MAML3: variants seen among roughly 807,000 people sequenced by gnomAD.
The protein encoded by MAML3 is mastermind-like protein 3.
Under a neutral mutation model 101.9 loss-of-function variants are expected in MAML3, and 27 were observed. The ratio of observed to expected loss-of-function variants is 0.27; its 90% CI spans 0.20 to 0.37. MAML3 has a LOEUF of 0.37. MAML3 is among the 10% of genes least tolerant of loss of function. MAML3 has a pLI of 1.00. For missense variants in MAML3, 1,316 were observed against 1,444.9 expected (o/e 0.91, Z 1.45); for synonymous variants, 501 against 555.9 (o/e 0.90, Z 1.39).
At chr4:139,770,611 GCT>G (rs952179321) in intron 2 of MAML3, among the ~76,000 whole-genome samples, 3 of 152,128 alleles carry the variant, frequency 2.0e-5, no homozygotes, top group African/African-American at 7.2e-5. Flanking sequence ...TTGGAAAGTT[GCT>G]CTTTGTTCCT....
At chr4:139,774,892 T>C (rs1014946078) in intron 2 of MAML3, among the ~76,000 whole-genome samples, 1 of 152,144 alleles carries the variant, frequency 6.6e-6, no homozygotes, top group African/African-American at 2.4e-5. Flanking sequence ...GAGAAATAAA[T>C]GTGTATGTAA....
intron 1 of MAML3, among the ~76,000 whole-genome samples, chr4:139,918,800 G>A (rs1276724291): frequency 6.6e-6 from 1 of 152,072 alleles, no homozygotes; most frequent in Admixed American, 6.6e-5. Flanking sequence ...TAGTAGGTGG[G>A]CTCTGGAGCT....
At chr4:139,827,352 T>C (rs1731078954) in intron 2 of MAML3, among the ~76,000 whole-genome samples, 1 of 152,174 alleles carries the variant, frequency 6.6e-6, no homozygotes, top group African/African-American at 2.4e-5. Context: ...GACTGACTGC[T>C]GAGGGTTTCT....
intron 1 of MAML3, among the ~76,000 whole-genome samples, chr4:140,109,235 T>C (rs996772205): frequency 6.6e-6 from 1 of 152,190 alleles, no homozygotes; most frequent in Non-Finnish European, 1.5e-5. Flanking sequence ...CAGTTGAAGG[T>C]ATCCTCCTAC....
intron 3 of MAML3, among the ~76,000 whole-genome samples, chr4:139,729,221 T>G (rs1728602676): frequency 6.6e-6 from 1 of 151,584 alleles, no homozygotes; most frequent in Non-Finnish European, 1.5e-5. Flanking sequence ...AATTTTTCTC[T>G]TTGGGGGATG....
At position 139,798,964 on chromosome 4, in the gene MAML3, A is replaced by G. The variant is rs534163645; in HGVS notation, c.2080-68297T>C. ...TCTTATCTAATAAGTTTATTTATTT[A>G]CCTGGGCAGATTAAATGCAGCTGAA... On this transcript the variant is annotated intron_variant, in intron 2 of 4. Transcript: ENST00000509479. Among the ~76,000 whole-genome samples the G allele has an allele frequency of 1.2e-3, 183 of 152,250 alleles. 4 individuals are homozygous for G. The South Asian group carries it at 0.037, about 31-fold the overall frequency.
chr4:139,737,368 G>T (rs1728987456), intron 2 of MAML3, among the ~76,000 whole-genome samples: 1 of 82,856 alleles, frequency 1.2e-5, no homozygotes, highest in Non-Finnish European at 2.9e-5. Flanking sequence ...GTCTGGTGGT[G>T]GCGTCTCTGG....
chr4:139,729,418 G>T (rs772624556), intron 3 of MAML3, among the ~76,000 whole-genome samples: 1 of 152,092 alleles, frequency 6.6e-6, no homozygotes, highest in Non-Finnish European at 1.5e-5. Flanking sequence ...CCAGAAGTTC[G>T]AGACCAGCCT....
At chr4:139,829,928 GT>G (rs1471800066) in intron 2 of MAML3, among the ~76,000 whole-genome samples, 3 of 152,202 alleles carry the variant, frequency 2.0e-5, no homozygotes, top group Non-Finnish European at 2.9e-5. Flanking sequence ...GTGACAATGG[GT>G]CAGATGGTCA....
At chr4:139,862,190 C>T (rs995409047) in intron 2 of MAML3, among the ~76,000 whole-genome samples, 1 of 152,096 alleles carries the variant, frequency 6.6e-6, no homozygotes, top group Non-Finnish European at 1.5e-5. Flanking sequence ...GCCTGGGCAA[C>T]AAAAGCAAAA....
chr4:140,134,802 T>C (rs1728857780), intron 1 of MAML3, among the ~76,000 whole-genome samples: 1 of 151,882 alleles, frequency 6.6e-6, no homozygotes, highest in Non-Finnish European at 1.5e-5. Context: ...TCGATCAGAG[T>C]GTGAATATCA....
At chr4:139,940,071 C>T (rs1733574333) in intron 1 of MAML3, among the ~76,000 whole-genome samples, 1 of 152,058 alleles carries the variant, frequency 6.6e-6, no homozygotes, top group South Asian at 2.1e-4. Context: ...GCCCAATAGA[C>T]ACTTGTTGAA....
intron 2 of MAML3, among the ~76,000 whole-genome samples, chr4:139,761,986 C>G (rs535752569): frequency 9.2e-5 from 14 of 152,042 alleles, no homozygotes; most frequent in Admixed American, 5.2e-4. Flanking sequence ...GGGCATGAGA[C>G]AGGAAGAAGT....
chr4:139,933,362 G>C (rs755808426), intron 1 of MAML3, among the ~76,000 whole-genome samples: 5 of 152,258 alleles, frequency 3.3e-5, no homozygotes, highest in Non-Finnish European at 7.4e-5. Flanking sequence ...CTGGGGCGCT[G>C]TTGTTCCTTA....
intron 1 of MAML3, among the ~76,000 whole-genome samples, chr4:140,045,537 T>G (rs1054911597): frequency 1.3e-5 from 2 of 152,216 alleles, no homozygotes; most frequent in African/African-American, 4.8e-5. Context: ...TTCTAAAGAT[T>G]ATATGTATTC....
At chr4:140,053,252 A>G in intron 1 of MAML3, among the ~76,000 whole-genome samples, 1 of 152,058 alleles carries the variant, frequency 6.6e-6, no homozygotes, top group East Asian at 1.9e-4. Context: ...TCATGTCTTC[A>G]TGGCAGCAGC....
At chr4:140,010,223 T>C (rs1726528274) in intron 1 of MAML3, among the ~76,000 whole-genome samples, 1 of 152,242 alleles carries the variant, frequency 6.6e-6, no homozygotes, top group Admixed American at 6.5e-5. Flanking sequence ...AGTTCTAGAC[T>C]TTATTGAAAT....
chr4:140,094,116 T>C (rs1406518433), intron 1 of MAML3, among the ~76,000 whole-genome samples: 1 of 152,208 alleles, frequency 6.6e-6, no homozygotes, highest in African/African-American at 2.4e-5. Flanking sequence ...AACAGGTCCC[T>C]TCAGTTCTAT....
At chr4:139,784,205 G>A (rs1217189173) in intron 2 of MAML3, among the ~76,000 whole-genome samples, 2 of 152,306 alleles carry the variant, frequency 1.3e-5, no homozygotes, top group East Asian at 1.9e-4. Flanking sequence ...GCCTGATGCC[G>A]CCCAGCTGCC....
Sources: gnomAD v4.1 joint callset for allele counts (sites outside exome capture counted in the v4.1 genomes callset) on GRCh38, gnomAD v4.1.1 for gene constraint, MANE v1.5 for transcripts, NCBI Gene and HGNC (gene_info 2026-07-23, HGNC 2026-07-21) for gene names.